Variants in BLTP1 observed in about 807,000 individuals in gnomAD.
BLTP1 encodes bridge-like lipid transfer protein family member 1, also known as fragile site-associated protein.
At chr4:122,205,490 T>A in the BLTP1 span, among the ~76,000 whole-genome samples, 5 of 145,886 alleles carry the variant, frequency 3.4e-5, no homozygotes, top group Non-Finnish European at 7.6e-5. Context: ...TAATACTGTT[T>A]CCAATTGTTT....
At chr4:122,308,235 A>G in the BLTP1 span, 1 of 1,472,248 alleles carries the variant, frequency 6.8e-7, no homozygotes, top group Non-Finnish European at 9.3e-7. Flanking sequence ...TATTTAGAAT[A>G]TAACAGTACA....
the BLTP1 span, chr4:122,229,663 TTTAC>T: frequency 1.1e-6 from 1 of 922,214 alleles, no homozygotes; most frequent in Non-Finnish European, 1.3e-6. Context: ...TATTTCATTA[TTTAC>T]TTCTCTTGTT....
At chr4:122,272,873 G>T in the BLTP1 span, among the ~76,000 whole-genome samples, 1 of 151,914 alleles carries the variant, frequency 6.6e-6, no homozygotes, top group African/African-American at 2.4e-5. Context: ...ATTACACAAG[G>T]TATGATATTT....
At chr4:122,356,138 A>T in the BLTP1 span, 1 of 596,902 alleles carries the variant, frequency 1.7e-6, no homozygotes, top group Non-Finnish European at 2.8e-6. Context: ...CAGCTATATG[A>T]CCTCTGGAAA....
chr4:122,303,394 AT>A, the BLTP1 span, among the ~76,000 whole-genome samples: 1 of 152,186 alleles, frequency 6.6e-6, no homozygotes, highest in East Asian at 1.9e-4. Context: ...TCTGGTGAAA[AT>A]TTACAAGGAA....
At chr4:122,153,124 G>T in the BLTP1 span, 12 of 486,010 alleles carry the variant, frequency 2.5e-5, no homozygotes, top group Non-Finnish European at 3.2e-5. Context: ...GTGAAGAGAA[G>T]TTGATTTTTC....
At chr4:122,264,986 G>A in the BLTP1 span, among the ~76,000 whole-genome samples, 17 of 152,276 alleles carry the variant, frequency 1.1e-4, no homozygotes, top group Admixed American at 2.6e-4. Flanking sequence ...GCTTAAATAT[G>A]GCGAATAAAG....
chr4:122,180,679 GA>G, the BLTP1 span, among the ~76,000 whole-genome samples: 2 of 152,074 alleles, frequency 1.3e-5, no homozygotes, highest in African/African-American at 2.4e-5. Flanking sequence ...AGAGAAATTA[GA>G]AAAAAGATAC....
the BLTP1 span, among the ~76,000 whole-genome samples, chr4:122,258,214 G>A: frequency 6.6e-6 from 1 of 151,712 alleles, no homozygotes; most frequent in Non-Finnish European, 1.5e-5. Flanking sequence ...ATGATGTTTT[G>A]AAAAAAATAT....
At chr4:122,303,002 A>T in the BLTP1 span, among the ~76,000 whole-genome samples, 1 of 152,216 alleles carries the variant, frequency 6.6e-6, no homozygotes. Context: ...AGAATAATTG[A>T]TGAAGGTGGT....
chr4:122,170,192 G>T, the BLTP1 span: 1 of 335,678 alleles, frequency 3.0e-6, no homozygotes, highest in African/African-American at 2.3e-5. Flanking sequence ...TGTAATCCCA[G>T]CTACGAGGTA....
At chr4:122,256,323 T>G in the BLTP1 span, among the ~76,000 whole-genome samples, 1 of 152,236 alleles carries the variant, frequency 6.6e-6, no homozygotes, top group Non-Finnish European at 1.5e-5. Context: ...ATCTACAGTT[T>G]AAGCCTAACT....
At chr4:122,158,053 A>G in the BLTP1 span, among the ~76,000 whole-genome samples, 1 of 152,188 alleles carries the variant, frequency 6.6e-6, no homozygotes, top group Non-Finnish European at 1.5e-5. Context: ...CCTAAATGCT[A>G]CATAGGAAAA....
chr4:122,237,617 GA>G, the BLTP1 span: 8 of 745,766 alleles, frequency 1.1e-5, no homozygotes, highest in South Asian at 2.5e-4. Flanking sequence ...TTAAAAAGAA[GA>G]AAAAAATTCA....
chr4:122,163,146 A>T, the BLTP1 span, among the ~76,000 whole-genome samples: 1 of 152,204 alleles, frequency 6.6e-6, no homozygotes, highest in African/African-American at 2.4e-5. Context: ...CCAGAAACAA[A>T]CCTGGGATAA....
At chr4:122,196,759 GC>G in the BLTP1 span, 1 of 1,597,836 alleles carries the variant, frequency 6.3e-7, no homozygotes, top group Non-Finnish European at 8.5e-7. Context: ...TATTGCAGAT[GC>G]TACAATTGAT....
At chr4:122,175,122 G>A in the BLTP1 span, 1 of 981,040 alleles carries the variant, frequency 1.0e-6, no homozygotes, top group Non-Finnish European at 1.2e-6. Context: ...TCCTTCTTCT[G>A]TAAGTCTTGA....
chr4:122,349,841 T>C, the BLTP1 span: 1 of 1,610,772 alleles, frequency 6.2e-7, no homozygotes, highest in South Asian at 1.1e-5. The surrounding 1 kb of genome is among the most constrained non-coding windows in gnomAD (Gnocchi z 4.5). Context: ...GACAAAGATT[T>C]TGTTTTATGC....
At chr4:122,210,876 A>G in the BLTP1 span, 1 of 1,609,108 alleles carries the variant, frequency 6.2e-7, no homozygotes, top group Non-Finnish European at 8.5e-7. Context: ...TTTTTTCTTA[A>G]TTTATTACAG....
Sources: allele counts gnomAD v4.1 joint callset (sites outside exome capture counted in the v4.1 genomes callset), GRCh38; gene constraint gnomAD v4.1.1; non-coding constraint Gnocchi (gnomAD v3.1); transcripts MANE v1.5; gene names NCBI Gene and HGNC (gene_info 2026-07-23, HGNC 2026-07-21).